Variants in P4HA1 observed in about 807,000 individuals in gnomAD.
P4HA1 encodes the protein prolyl 4-hydroxylase subunit alpha 1.
Under a neutral mutation model 72.8 loss-of-function variants are expected in P4HA1, and 24 were observed. That is an observed-to-expected ratio of 0.33 (90% confidence interval 0.24 to 0.46). P4HA1 has a LOEUF of 0.46. P4HA1 is among the 20% of genes least tolerant of loss of function. The pLI is 1.00. For missense variants in P4HA1, 446 were observed against 640.6 expected (o/e 0.70, Z 3.28); for synonymous variants, 201 against 218.8 (o/e 0.92, Z 0.72).
At position 73,016,796 on chromosome 10, in the gene P4HA1, C is replaced by G. The variant is rs778125817; in HGVS notation, c.1302+50G>C. On this transcript the variant is annotated intron_variant, in intron 11 of 14. Transcript: ENST00000394890. ...TTTTTTTGTTTTGTTTTGAGACAAA[C>G]AATGTAATGCATAAGCCTCAGTGAA... The G allele has an allele frequency of 3.0e-6, 4 of 1,337,038 alleles. No homozygotes were observed. In the South Asian group the frequency reaches 4.8e-5, roughly 16 times the overall value. 82.8% of individuals were successfully genotyped at this position (1,337,038 alleles called of 1,614,324 possible).
intron 9 of P4HA1, among the ~76,000 whole-genome samples, chr10:73,042,598 A>T (rs972393876): frequency 2.6e-5 from 4 of 152,126 alleles, no homozygotes; most frequent in Non-Finnish European, 1.5e-5. Context: ...ACCATCATCC[A>T]CTTAAAATAT....
At chr10:73,093,156 G>A (rs1842074194) in intron 1 of P4HA1, among the ~76,000 whole-genome samples, 1 of 151,106 alleles carries the variant, frequency 6.6e-6, no homozygotes, top group African/African-American at 2.4e-5. Context: ...AAGGCTGAGT[G>A]TACTAATTCC....
At chr10:73,033,385 G>C (rs926460112) in intron 9 of P4HA1, among the ~76,000 whole-genome samples, 14 of 151,932 alleles carry the variant, frequency 9.2e-5, no homozygotes, top group African/African-American at 3.1e-4. Context: ...CTTGTACTTT[G>C]GTAGAATCAT....
At chr10:73,020,296 T>C (rs1401134260) in intron 10 of P4HA1, among the ~76,000 whole-genome samples, 2 of 151,894 alleles carry the variant, frequency 1.3e-5, no homozygotes, top group Non-Finnish European at 2.9e-5. Context: ...ATAAAAAACC[T>C]AGAAGAAATG....
chr10:73,008,308 A>G lies in P4HA1; in HGVS notation c.1535-16T>C, dbSNP rs1839836751. 6.7e-7 allele frequency: 1 copy of G among 1,485,016 alleles called. No homozygotes were observed. The highest frequency in any genetic ancestry group is 1.4e-5 in the African/African-American group (1 of 72,406). 92.0% of individuals were successfully genotyped at this position (1,485,016 alleles called of 1,614,324 possible). A position where few individuals can be genotyped will look rare whatever the true frequency, so the allele number is the denominator to read the frequency against. ...TTATTGGATACTGTGAGAGAAAAGT[A>G]ATATATTAATTTTCCCCCTTAATCT... On this transcript the variant is annotated splice_polypyrimidine_tract_variant and intron_variant, in intron 14 of 14. Coordinates refer to ENST00000394890, the MANE Select transcript of P4HA1 (RefSeq NM_001017962.3).
intron 8 of P4HA1, among the ~76,000 whole-genome samples, chr10:73,046,283 A>C (rs979755991): frequency 5.3e-5 from 8 of 152,192 alleles, no homozygotes; most frequent in African/African-American, 1.7e-4. Context: ...ACTATCAAGA[A>C]GACCAAATAT....
At chr10:73,020,679 T>C (rs944233932) in intron 10 of P4HA1, among the ~76,000 whole-genome samples, 2 of 152,132 alleles carry the variant, frequency 1.3e-5, no homozygotes, top group African/African-American at 4.8e-5. Flanking sequence ...AAAAAAATAC[T>C]AGAAAACAAA....
At chr10:73,016,498 CG>C (rs1321576703) in intron 11 of P4HA1, among the ~76,000 whole-genome samples, 1 of 152,198 alleles carries the variant, frequency 6.6e-6, no homozygotes, top group Non-Finnish European at 1.5e-5. Context: ...GTAATGCGGC[CG>C]GGCACAGTGG....
intron 9 of P4HA1, among the ~76,000 whole-genome samples, chr10:73,039,528 C>T (rs530026473): frequency 2.0e-5 from 3 of 152,148 alleles, no homozygotes; most frequent in South Asian, 2.1e-4. Context: ...AGAACGGTCT[C>T]GATCTCCTGA....
chr10:73,023,221 A>C (rs1378266500), intron 10 of P4HA1, among the ~76,000 whole-genome samples: 1 of 152,210 alleles, frequency 6.6e-6, no homozygotes, highest in Non-Finnish European at 1.5e-5. Context: ...GAAATGAAGG[A>C]AAAAATCTTA....
intron 9 of P4HA1, among the ~76,000 whole-genome samples, chr10:73,036,182 C>T (rs1055700818): frequency 8.7e-5 from 12 of 138,468 alleles, no homozygotes; most frequent in Admixed American, 6.4e-4. Context: ...AGCAAAACTC[C>T]GTCTCAAAAA....
At chr10:73,074,064 G>A in intron 2 of P4HA1, 1 of 463,974 alleles carries the variant, frequency 2.2e-6, no homozygotes, top group East Asian at 4.0e-5. Context: ...TTTAGACTGT[G>A]CTAGCAAATT....
intron 1 of P4HA1, among the ~76,000 whole-genome samples, chr10:73,078,231 T>C (rs1841745956): frequency 6.6e-6 from 1 of 152,040 alleles, no homozygotes; most frequent in Admixed American, 6.6e-5. Flanking sequence ...AGTAGTTAGC[T>C]CAACAAAAAA....
At chr10:73,073,659 A>G in intron 3 of P4HA1, 72 bp downstream of exon 3, 1 of 796,028 alleles carries the variant, frequency 1.3e-6, no homozygotes, top group Non-Finnish European at 2.2e-6. Context: ...TTTCTACTTA[A>G]AGAATATTTT....
At chr10:73,050,944 G>C in intron 7 of P4HA1, 109 bp downstream of exon 7, 2 of 851,224 alleles carry the variant, frequency 2.3e-6, no homozygotes, top group Non-Finnish European at 3.8e-6. Flanking sequence ...CAGTCATTCT[G>C]ATTTTTATCA....
intron 9 of P4HA1, among the ~76,000 whole-genome samples, chr10:73,036,244 G>A (rs1840573512): frequency 6.7e-6 from 1 of 150,328 alleles, no homozygotes; most frequent in Admixed American, 6.6e-5. Flanking sequence ...TAAAACCAAT[G>A]TTGATTGTAG....
rs558908246 is a variant in P4HA1 at position 73,019,661 on chromosome 10, C to T, written c.1249-2762G>A. Among the ~76,000 whole-genome samples the T allele has an allele frequency of 4.7e-5, 6 of 128,704 alleles. No homozygotes were observed. In the East Asian group the frequency reaches 7.6e-4, roughly 16 times the overall value. 84.4% of individuals were successfully genotyped at this position (128,704 alleles called of 152,430 possible). On this transcript the variant is annotated intron_variant, in intron 10 of 14. Transcript: ENST00000394890. Reference sequence around the variant, plus strand: ...AGGAGAATCGCTTGAACCTGGGAGGCGGAGGTTGCAGTGAGCCAAGATCTT... The same window carrying T: ...AGGAGAATCGCTTGAACCTGGGAGGTGGAGGTTGCAGTGAGCCAAGATCTT...
chr10:73,049,734 A>C (rs1840968602), intron 7 of P4HA1, among the ~76,000 whole-genome samples: 1 of 152,260 alleles, frequency 6.6e-6, no homozygotes, highest in Non-Finnish European at 1.5e-5. Flanking sequence ...CTGCATTTTC[A>C]GTATTAAACA....
intron 5 of P4HA1, among the ~76,000 whole-genome samples, chr10:73,067,272 T>C (rs548177432): frequency 1.9e-4 from 29 of 152,296 alleles, no homozygotes; most frequent in African/African-American, 6.7e-4. Context: ...TGATAATCTA[T>C]CCACTACCAC....
Sources: allele counts gnomAD v4.1 joint callset (sites outside exome capture counted in the v4.1 genomes callset), GRCh38; gene constraint gnomAD v4.1.1; transcripts MANE v1.5; gene names NCBI Gene and HGNC (gene_info 2026-07-23, HGNC 2026-07-21).